The following ATAD5 variants were observed in gnomAD, a reference collection of about 807,000 sequenced individuals.
ATAD5 encodes the protein ATPase family AAA domain-containing protein 5.
Under a neutral mutation model 176.9 loss-of-function variants are expected in ATAD5, and 58 were observed. That is an observed-to-expected ratio of 0.33 (90% confidence interval 0.27 to 0.41). The LOEUF is 0.41. ATAD5 is among the 10% of genes least tolerant of loss of function. ATAD5 has a pLI of 1.00. For synonymous variants in ATAD5, 640 were observed against 712.6 expected (o/e 0.90, Z 1.62); for missense variants, 1,789 against 2,094.1 (o/e 0.85, Z 2.84).
rs1404353677 is a variant in ATAD5 at position 30,844,846 on chromosome 17, G to T, written c.2380G>T (p.Val794Phe). ...TTTATTTTTCTAAGGAAAAATGAAA[G>T]TCGCTCCTTTATTTCTTGTCAGAAA... The part of the protein sequence containing the change: ...STKNVPGKMK[V>F]APLFLVRKAQ... Residue 794 changes from valine to phenylalanine, a missense_variant, in exon 6 of 23, where the codon GTC becomes TTC. Physicochemically the swap from Val to Phe is conservative, Grantham distance 50 (BLOSUM62 -1). Coordinates refer to ENST00000321990, the MANE Select transcript of ATAD5 (RefSeq NM_024857.5). The T allele has an allele frequency of 1.9e-6, 3 of 1,582,002 alleles. No individual in the cohort carries two copies. Among genetic ancestry groups the T allele is most frequent in the Non-Finnish European group, 2.6e-6 (3 of 1,166,332 alleles).
chr17:30,857,005 T>A lies in ATAD5; in HGVS notation c.2686T>A (p.Phe896Ile), dbSNP rs921830508. ...KPPSCPLLTKFKELNTKVIDL... is the reference protein window; with the variant it reads ...KPPSCPLLTKIKELNTKVIDL... ...ACCCTCTTGTCCTCTCTTAACTAAA[T>A]TTAAAGAACTGAACACTAAAGTAAT... Residue 896 changes from phenylalanine to isoleucine, a missense_variant, in exon 8 of 23, where the codon TTT (phenylalanine) becomes ATT (isoleucine). Phe to Ile is a conservative substitution (Grantham distance 21). Coordinates refer to ENST00000321990, the MANE Select transcript of ATAD5 (RefSeq NM_024857.5). The A allele has an allele frequency of 3.1e-6, 5 of 1,606,826 alleles. No homozygotes were observed. Among genetic ancestry groups the A allele is most frequent in the Non-Finnish European group, 2.5e-6 (3 of 1,178,492 alleles).
rs200618453 is a variant in ATAD5, at chr17:30,869,308, G to C, written c.3374G>C (p.Cys1125Ser). 6.2e-6 allele frequency: 10 copies of C among 1,613,998 alleles called. No individual in the cohort carries two copies. The highest frequency in any genetic ancestry group is 1.1e-5 in the South Asian group (1 of 91,062). Residue 1125 changes from cysteine to serine, a missense_variant, in exon 13 of 23, where the codon TGC becomes TCC. Cys to Ser is a moderately radical substitution (Grantham distance 112). This residue lies in a region of ATAD5 where 487 missense variants were observed against 573.6 expected (regional missense o/e 0.85). Transcript: ENST00000321990. ...GATGATGAAGAAGAGAGTCGTCTTT[G>C]CAATACTGTCCTTATAACAGGGCCA... ...SSDDEEESRL[C>S]NTVLITGPTG...
intron 11 of ATAD5, 63 bp downstream of exon 11, chr17:30,865,863 C>G: frequency 8.9e-7 from 1 of 1,123,552 alleles, no homozygotes. Context: ...GTTTTTGTTT[C>G]GAAATTGTAG....
chr17:30,883,396 G>A (rs375203684), intron 18 of ATAD5, among the ~76,000 whole-genome samples: 1 of 152,002 alleles, frequency 6.6e-6, no homozygotes, highest in South Asian at 2.1e-4. Context: ...CGAAGTGCTG[G>A]TATTACATGC....
At chr17:30,885,364 T>C (rs1052750134) in intron 18 of ATAD5, among the ~76,000 whole-genome samples, 1 of 152,100 alleles carries the variant, frequency 6.6e-6, no homozygotes, top group Non-Finnish European at 1.5e-5. Context: ...GGTTTTTCTG[T>C]GTACTCAATC....
chr17:30,889,759 C>T (rs1695259259), intron 19 of ATAD5, among the ~76,000 whole-genome samples: 1 of 151,704 alleles, frequency 6.6e-6, no homozygotes, highest in Admixed American at 6.6e-5. Context: ...AGATCCTATT[C>T]TGGTAAATAC....
chr17:30,847,517 A>G (rs1597961200), intron 6 of ATAD5, among the ~76,000 whole-genome samples: 1 of 151,204 alleles, frequency 6.6e-6, no homozygotes, highest in African/African-American at 2.4e-5. Flanking sequence ...TTTTTAGTAG[A>G]AACGGGGTTT....
intron 18 of ATAD5, among the ~76,000 whole-genome samples, chr17:30,884,999 T>C (rs936888915): frequency 1.3e-5 from 2 of 151,462 alleles, no homozygotes; most frequent in African/African-American, 4.9e-5. Context: ...CACCCGCCTT[T>C]GCCTCCCAGA....
rs1298848199 is a variant in ATAD5 at position 30,868,391 on chromosome 17, A to G, written c.3292A>G (p.Lys1098Glu). Residue 1098 changes from lysine to glutamate, a missense_variant, in exon 12 of 23, where the codon AAA becomes GAA. This residue lies in a region of ATAD5 where 487 missense variants were observed against 573.6 expected (regional missense o/e 0.85). Coordinates refer to ENST00000321990, the MANE Select transcript of ATAD5 (RefSeq NM_024857.5). The part of the protein sequence containing the change: ...ELEERQNLKG[K>E]RDEKHEDFSG... ...GGAAGAAAGGCAGAATCTGAAGGGAAAAAGAGATGAGAAACATGAAGGTAT... is the reference window on the plus strand; with the variant it reads ...GGAAGAAAGGCAGAATCTGAAGGGAGAAAGAGATGAGAAACATGAAGGTAT... 3 of 1,574,476 alleles carry G rather than the reference A, an allele frequency of 1.9e-6. No homozygotes were observed. The highest frequency in any genetic ancestry group is 1.9e-5 in the Admixed American group (1 of 51,552).
Position 30,865,922 on chromosome 17 carries a change from G to A in ATAD5, c.3233+122G>A, listed in dbSNP as rs574460204. ...TAAAATCTTCAAAAAACTGGTAGAA[G>A]TTTAAGTGAAAAGTAGCCCTCTTTT... On this transcript the variant is annotated intron_variant, in intron 11 of 22. Coordinates refer to ENST00000321990, the MANE Select transcript of ATAD5 (RefSeq NM_024857.5). 9 of 548,426 alleles carry A rather than the reference G, an allele frequency of 1.6e-5. No homozygotes were observed. In the South Asian group the frequency reaches 3.6e-4, roughly 22 times the overall value. 34.0% of individuals were successfully genotyped at this position (548,426 alleles called of 1,614,324 possible). A position where few individuals can be genotyped will look rare whatever the true frequency, so the allele number is the denominator to read the frequency against.
intron 6 of ATAD5, among the ~76,000 whole-genome samples, chr17:30,850,699 A>G (rs2142343929): frequency 6.6e-6 from 1 of 151,160 alleles, no homozygotes; most frequent in African/African-American, 2.4e-5. Context: ...GGTCCTGGAT[A>G]GTTCAATTAG....
At chr17:30,865,386 A>G (rs2142387012) in intron 10 of ATAD5, among the ~76,000 whole-genome samples, 1 of 152,070 alleles carries the variant, frequency 6.6e-6, no homozygotes, top group South Asian at 2.1e-4. Flanking sequence ...GTTAGCCAGG[A>G]TGGTATCGAT....
intron 17 of ATAD5, 98 bp from the exon 18 acceptor site, chr17:30,879,325 G>A (rs1164845909): frequency 4.1e-5 from 56 of 1,372,604 alleles, no homozygotes; most frequent in Non-Finnish European, 5.1e-5. Context: ...GGGGAGGCGG[G>A]TGCTGAATAT....
At chr17:30,881,390 C>T (rs1395614097) in intron 18 of ATAD5, among the ~76,000 whole-genome samples, 1 of 152,164 alleles carries the variant, frequency 6.6e-6, no homozygotes, top group African/African-American at 2.4e-5. Flanking sequence ...ACCTCCAACT[C>T]CTGGGTTCAA....
chr17:30,889,686 G>T (rs1276357239), intron 19 of ATAD5, among the ~76,000 whole-genome samples: 4 of 151,714 alleles, frequency 2.6e-5, no homozygotes, highest in African/African-American at 7.3e-5. Flanking sequence ...TTAAGACATG[G>T]TTCCTTGCCT....
intron 4 of ATAD5, among the ~76,000 whole-genome samples, chr17:30,842,831 C>T (rs1486631842): frequency 6.6e-6 from 1 of 152,136 alleles, no homozygotes. Context: ...GAAACCTCCA[C>T]TTCCTGGGTT....
rs1909385121 is a variant in ATAD5, at chr17:30,887,488, G to T, written c.4258+116G>T. On this transcript the variant is annotated intron_variant, in intron 19 of 22. Transcript: ENST00000321990. ...TCCCAGCACTTTGGGGGAGTGAGGT[G>T]GGAGGATCTCTTGAGGCCAGGAGGT... The T allele has an allele frequency of 2.4e-5, 20 of 819,242 alleles. No individual in the cohort carries two copies. In the East Asian group the frequency reaches 5.8e-4, roughly 24 times the overall value. The allele number at this position is 819,242 out of a possible 1,614,324, so 50.7% of individuals were successfully genotyped here. A position where few individuals can be genotyped will look rare whatever the true frequency, so the allele number is the denominator to read the frequency against.
At chr17:30,878,975 A>G (rs1343832501) in intron 17 of ATAD5, among the ~76,000 whole-genome samples, 3 of 151,992 alleles carry the variant, frequency 2.0e-5, no homozygotes, top group South Asian at 4.2e-4. Flanking sequence ...CATGTGATCC[A>G]CCTGCCTCGG....
chr17:30,835,954 G>C lies in ATAD5; in HGVS notation c.1873G>C (p.Ala625Pro), dbSNP rs144812489. The change falls in exon 2 of 23, where the codon GCT (alanine) becomes CCT (proline). Residue 625 changes from alanine (A) to proline (P), a missense_variant. Around this residue, in one of 6 missense-constraint regions of ATAD5, gnomAD observed 696 missense variants for 712.5 expected, o/e 0.98. Transcript: ENST00000321990. ...TGTACAAGATAATAGTCAACTAAAG[G>C]CTTCCACTCAAAAAGCAGCCAACTT... ...DDVQDNSQLK[A>P]STQKAANLSE... 9.2e-5 allele frequency: 148 copies of C among 1,614,010 alleles called. 2 individuals are homozygous for C. In the African/African-American group the frequency reaches 1.8e-3, roughly 20 times the overall value.
Sources: gnomAD v4.1 joint callset for allele counts (sites outside exome capture counted in the v4.1 genomes callset) on GRCh38, gnomAD v4.1.1 for gene constraint, gnomAD v4.1.1 regional missense constraint, MANE v1.5 for transcripts, NCBI Gene and HGNC (gene_info 2026-07-23, HGNC 2026-07-21) for gene names.